The following IL6R variants were observed in gnomAD, a reference collection of about 807,000 sequenced individuals.
IL6R encodes the protein interleukin-6 receptor subunit alpha.
IL6R carries 38 observed loss-of-function variants against 48.3 expected under a neutral mutation model. The observed-to-expected ratio is 0.79, with a 90% CI of 0.61 to 1.03. IL6R has a LOEUF of 1.03. IL6R is among the 50% of genes least tolerant of loss of function. IL6R has a pLI of 0.00. For missense variants in IL6R, 534 were observed against 618.3 expected (o/e 0.86, Z 1.45); for synonymous variants, 264 against 256.2 (o/e 1.03, Z -0.29).
At chr1:154,454,396 C>A in intron 8 of IL6R, 92 bp from the exon 9 acceptor site, 1 of 819,754 alleles carries the variant, frequency 1.2e-6, no homozygotes, top group Non-Finnish European at 2.0e-6. Flanking sequence ...AGGCTTTTGA[C>A]AGCACCAGCT....
In IL6R at chr1:154,465,256, T is replaced by C. The variant is rs775278680; in HGVS notation, c.1283T>C (p.Ile428Thr). 6.2e-7 allele frequency: 1 copy of C among 1,613,942 alleles called. No individual in the cohort carries two copies. Among genetic ancestry groups the C allele is most frequent in the Admixed American group, 1.7e-5 (1 of 59,982 alleles). The change falls in exon 10 of 10, where the codon ATC becomes ACC. Residue 428 changes from isoleucine to threonine, a missense_variant. Physicochemically the swap from Ile to Thr is moderately conservative, Grantham distance 89 (BLOSUM62 -1). Coordinates refer to ENST00000368485, the MANE Select transcript of IL6R (RefSeq NM_000565.4). ...PRPTPVLVPL[I>T]SPPVSPSSLG... ...CCCACCCCAGTGCTTGTTCCTCTCATCTCCCCACCGGTGTCCCCCAGCAGC... is the reference window on the plus strand; with the variant it reads ...CCCACCCCAGTGCTTGTTCCTCTCACCTCCCCACCGGTGTCCCCCAGCAGC...
At chr1:154,443,128 G>C (rs1690030114) in intron 6 of IL6R, among the ~76,000 whole-genome samples, 1 of 152,182 alleles carries the variant, frequency 6.6e-6, no homozygotes, top group South Asian at 2.1e-4. Context: ...GTTATTCCTT[G>C]CTTCTCACAA....
At chr1:154,450,067 G>T (rs765613684) in intron 8 of IL6R, 87 bp downstream of exon 8, 23 of 825,894 alleles carry the variant, frequency 2.8e-5, no homozygotes, top group Non-Finnish European at 4.9e-5. Flanking sequence ...TGGACATGTC[G>T]TCAGAGGATC....
chr1:154,421,533 T>C (rs1377834819), intron 1 of IL6R, among the ~76,000 whole-genome samples: 2 of 152,192 alleles, frequency 1.3e-5, no homozygotes, highest in African/African-American at 2.4e-5. Flanking sequence ...TTGAGGGTGC[T>C]CACACCCTCC....
chr1:154,418,998 G>C (rs1688506309), intron 1 of IL6R, among the ~76,000 whole-genome samples: 1 of 152,130 alleles, frequency 6.6e-6, no homozygotes, highest in South Asian at 2.1e-4. Flanking sequence ...GGGGGAGAGA[G>C]AGGGTGGTGG....
intron 1 of IL6R, among the ~76,000 whole-genome samples, chr1:154,428,657 A>T (rs1229383419): frequency 6.6e-6 from 1 of 152,242 alleles, no homozygotes; most frequent in Non-Finnish European, 1.5e-5. Flanking sequence ...TGAGGGGAAG[A>T]GAGACACGGA....
At position 154,416,309 on chromosome 1, in the gene IL6R, T is replaced by A. The variant is rs1003846702; in HGVS notation, c.85+10595T>A. Among the ~76,000 whole-genome samples the A allele has an allele frequency of 2.3e-3, 307 of 131,472 alleles. 1 individual carries two copies. Among genetic ancestry groups the A allele is most frequent in the Middle Eastern group, 8.2e-3 (2 of 244 alleles). 86.3% of individuals were successfully genotyped at this position (131,472 alleles called of 152,430 possible). ...CATGACTGGCTAATTTAAAAAAAAATTTTTTTTTTTTTTTTTGTAGAGATG... is the reference window on the plus strand; with the variant it reads ...CATGACTGGCTAATTTAAAAAAAAAATTTTTTTTTTTTTTTTGTAGAGATG... On this transcript the variant is annotated intron_variant, in intron 1 of 9. Transcript: ENST00000368485.
intron 8 of IL6R, among the ~76,000 whole-genome samples, chr1:154,452,766 G>A (rs1360801933): frequency 6.6e-6 from 1 of 151,772 alleles, no homozygotes; most frequent in Non-Finnish European, 1.5e-5. Context: ...GGGAGGCGGA[G>A]GTTGCAGTGA....
At chr1:154,416,273 G>A (rs1558300587) in intron 1 of IL6R, among the ~76,000 whole-genome samples, 1 of 151,644 alleles carries the variant, frequency 6.6e-6, no homozygotes. Flanking sequence ...AGGACCACAG[G>A]TGCATGACAC....
At chr1:154,421,111 C>T (rs1216470338) in intron 1 of IL6R, among the ~76,000 whole-genome samples, 5 of 152,226 alleles carry the variant, frequency 3.3e-5, no homozygotes, top group Non-Finnish European at 1.5e-5. Context: ...TGACCCTGGC[C>T]TTGGCGCAGT....
chr1:154,442,503 G>A (rs1689993143), intron 6 of IL6R, among the ~76,000 whole-genome samples: 1 of 152,180 alleles, frequency 6.6e-6, no homozygotes, highest in African/African-American at 2.4e-5. Context: ...CCCTGTAGGA[G>A]TGGAAGTGGA....
intron 5 of IL6R, 91 bp downstream of exon 5, chr1:154,435,247 C>A: frequency 8.0e-7 from 1 of 1,246,542 alleles, no homozygotes; most frequent in Non-Finnish European, 1.1e-6. Context: ...TGGTGGCTCA[C>A]GCCTGTAATC....
In IL6R at chr1:154,412,528, G is replaced by T. The variant is rs1570919079; in HGVS notation, c.85+6814G>T. Among the ~76,000 whole-genome samples, 3 of 152,196 alleles carry T rather than the reference G, an allele frequency of 2.0e-5. No individual in the cohort carries two copies. The South Asian group carries it at 6.2e-4, about 32-fold the overall frequency. ...CCACCTTGGCCTCCCAAAGTGCTGG[G>T]ATTACAGACGTGAGCTACCGCGCCC... is the stretch of plus-strand genomic sequence containing the variant. On this transcript the variant is annotated intron_variant, in intron 1 of 9. Coordinates refer to ENST00000368485, the MANE Select transcript of IL6R (RefSeq NM_000565.4).
rs202195439 is a variant in IL6R, at chr1:154,423,279, A to ATG, written c.86-5916_86-5915insGT. Among the ~76,000 whole-genome samples the ATG allele has an allele frequency of 7.6e-3, 1,074 of 140,756 alleles. 54 individuals carry two copies. The highest frequency in any genetic ancestry group is 9.9e-3 in the African/African-American group (381 of 38,474). 92.3% of individuals were successfully genotyped at this position (140,756 alleles called of 152,430 possible). ...TAATTAAATATATATATATATATAT[A>ATG]TATATGTATTCATTATAAGAGCAAT... On this transcript the variant is annotated intron_variant, in intron 1 of 9. Transcript: ENST00000368485.
intron 6 of IL6R, among the ~76,000 whole-genome samples, chr1:154,446,419 C>T (rs1407874379): frequency 1.3e-5 from 2 of 152,210 alleles, no homozygotes; most frequent in African/African-American, 4.8e-5. Flanking sequence ...AGCAGGGTCA[C>T]CCTCTCCCCG....
At position 154,450,104 on chromosome 1, in the gene IL6R, CTGTGTGTG is replaced by C. The variant is rs71586016; in HGVS notation, c.1066+156_1066+163del. Reference sequence around the variant, plus strand: ...ATCACAGATCAATCGCAGAAATGTTCTGTGTGTGTGTGTGTGTGTGTGTGTGTGTGTGT... The same window carrying C: ...ATCACAGATCAATCGCAGAAATGTTCTGTGTGTGTGTGTGTGTGTGTGTGT... On this transcript the variant is annotated intron_variant, in intron 8 of 9. Coordinates refer to ENST00000368485, the MANE Select transcript of IL6R (RefSeq NM_000565.4). The C allele has an allele frequency of 8.3e-4, 397 of 480,884 alleles. 1 individual carries two copies. Among genetic ancestry groups the C allele is most frequent in the African/African-American group, 1.4e-3 (67 of 48,466 alleles). 29.8% of individuals were successfully genotyped at this position (480,884 alleles called of 1,614,324 possible).
chr1:154,446,043 G>A (rs760010199), intron 6 of IL6R, among the ~76,000 whole-genome samples: 4 of 152,062 alleles, frequency 2.6e-5, no homozygotes, highest in Non-Finnish European at 4.4e-5. Flanking sequence ...GGGATTACAG[G>A]TGTGAGTCCG....
intron 1 of IL6R, among the ~76,000 whole-genome samples, chr1:154,420,041 G>A (rs563169446): frequency 4.3e-4 from 66 of 152,094 alleles, no homozygotes; most frequent in Non-Finnish European, 7.5e-4. Context: ...CTTGTTGGGA[G>A]TTACTAGGAC....
At chr1:154,428,775 TGTC>T (rs1417250009) in intron 1 of IL6R, among the ~76,000 whole-genome samples, 1 of 151,848 alleles carries the variant, frequency 6.6e-6, no homozygotes, top group Non-Finnish European at 1.5e-5. Context: ...TAGGAGGAGT[TGTC>T]GTGGGGATGA....
Sources: allele counts gnomAD v4.1 joint callset (sites outside exome capture counted in the v4.1 genomes callset), GRCh38; gene constraint gnomAD v4.1.1; transcripts MANE v1.5; gene names NCBI Gene and HGNC (gene_info 2026-07-23, HGNC 2026-07-21).